The following MAGI2 variants were observed in gnomAD, a reference collection of about 807,000 sequenced individuals.
MAGI2 encodes membrane associated guanylate kinase, WW and PDZ domain containing 2, also known as membrane-associated guanylate kinase, WW and PDZ domain-containing protein 2.
A neutral mutation model predicts 133.3 loss-of-function variants in MAGI2; 35 were observed. That is an observed-to-expected ratio of 0.26 (90% CI 0.20 to 0.35). MAGI2 has a LOEUF of 0.35. MAGI2 is among the 10% of genes least tolerant of loss of function. The pLI is 1.00. For missense variants in MAGI2, 1,636 were observed against 1,863.4 expected (o/e 0.88, Z 2.25); for synonymous variants, 729 against 710.6 (o/e 1.03, Z -0.41).
At position 79,138,862 on chromosome 7, in the gene MAGI2, C is replaced by T. The variant is rs976435202; in HGVS notation, c.302-131656G>A. Among the ~76,000 whole-genome samples, 8 of 151,186 alleles carry T rather than the reference C, an allele frequency of 5.3e-5. No homozygotes were observed. In the South Asian group the frequency reaches 6.3e-4, roughly 12 times the overall value. On this transcript the variant is annotated intron_variant, in intron 1 of 21. Transcript: ENST00000354212. Reference sequence around the variant, plus strand: ...CTACTAAAAATACAAAAAAATTAGCCGGGTGTGGTGGTTGGCCCCTGTAGA... The same window carrying T: ...CTACTAAAAATACAAAAAAATTAGCTGGGTGTGGTGGTTGGCCCCTGTAGA...
chr7:79,146,806 T>G (rs949227513), intron 1 of MAGI2, among the ~76,000 whole-genome samples: 1 of 152,232 alleles, frequency 6.6e-6, no homozygotes, highest in Admixed American at 6.5e-5. Flanking sequence ...TTATTGGCAG[T>G]GTGAGAACAG....
intron 2 of MAGI2, among the ~76,000 whole-genome samples, chr7:78,683,413 A>G (rs1228048145): frequency 6.6e-6 from 1 of 152,204 alleles, no homozygotes; most frequent in African/African-American, 2.4e-5. Context: ...AGGGCAGAGT[A>G]TGAACAAATA....
At chr7:78,487,425 A>G (rs1411870314) in intron 6 of MAGI2, 1 of 155,120 alleles carries the variant, frequency 6.4e-6, no homozygotes, top group Non-Finnish European at 1.4e-5. Context: ...GAAAGTATAC[A>G]ACACTCAAAT....
At chr7:78,566,304 G>A (rs890009796) in intron 3 of MAGI2, among the ~76,000 whole-genome samples, 2 of 152,072 alleles carry the variant, frequency 1.3e-5, no homozygotes, top group African/African-American at 4.8e-5. Flanking sequence ...GATCCTGAAC[G>A]GTGGAAGGAT....
chr7:79,221,817 C>T (rs1055693956), intron 1 of MAGI2, among the ~76,000 whole-genome samples: 4 of 151,754 alleles, frequency 2.6e-5, no homozygotes, highest in Non-Finnish European at 5.9e-5. Flanking sequence ...CATAAAATGG[C>T]AAAGGTCTGG....
At chr7:78,580,929 A>G (rs1802770092) in intron 3 of MAGI2, among the ~76,000 whole-genome samples, 1 of 152,168 alleles carries the variant, frequency 6.6e-6, no homozygotes, top group Non-Finnish European at 1.5e-5. Context: ...TGACATCACA[A>G]ATGCAGATGA....
At chr7:78,328,251 T>TA (rs1562830860) in intron 9 of MAGI2, among the ~76,000 whole-genome samples, 1 of 151,826 alleles carries the variant, frequency 6.6e-6, no homozygotes, top group Non-Finnish European at 1.5e-5. Context: ...CTCAAGGACT[T>TA]ACGCCTTGAT....
intron 1 of MAGI2, among the ~76,000 whole-genome samples, chr7:79,032,418 T>A (rs1810681782): frequency 6.6e-6 from 1 of 150,788 alleles, no homozygotes; most frequent in Admixed American, 6.7e-5. Flanking sequence ...CTTGGGAGGC[T>A]GAGGCAGGAA....
intron 2 of MAGI2, among the ~76,000 whole-genome samples, chr7:78,795,384 G>T (rs570318689): frequency 6.6e-6 from 1 of 151,708 alleles, no homozygotes; most frequent in Non-Finnish European, 1.5e-5. Flanking sequence ...ATCAACATAC[G>T]AGAACCAGTG....
chr7:78,672,438 G>A (rs1814507171), intron 2 of MAGI2, among the ~76,000 whole-genome samples: 1 of 152,110 alleles, frequency 6.6e-6, no homozygotes, highest in Admixed American at 6.6e-5. Context: ...TTATAAATTA[G>A]CCAGTTTCAG....
At chr7:78,498,428 T>G (rs769322701) in intron 5 of MAGI2, among the ~76,000 whole-genome samples, 1 of 152,170 alleles carries the variant, frequency 6.6e-6, no homozygotes, top group Non-Finnish European at 1.5e-5. Flanking sequence ...TTCTTTGTCA[T>G]AGAAGCAAAG....
chr7:79,290,250 C>G (rs1836358368), intron 1 of MAGI2, among the ~76,000 whole-genome samples: 1 of 151,906 alleles, frequency 6.6e-6, no homozygotes, highest in Non-Finnish European at 1.5e-5. Context: ...TCTCGTACCA[C>G]CTCAAAAGTA....
intron 16 of MAGI2, among the ~76,000 whole-genome samples, chr7:78,157,647 C>G (rs906582184): frequency 6.6e-6 from 1 of 152,130 alleles, no homozygotes; most frequent in African/African-American, 2.4e-5. Context: ...TATTTTTATT[C>G]TAGTCCTTTA....
In MAGI2 at chr7:78,018,201, TAA is replaced by T. The variant is rs1162336705; in HGVS notation, c.*1112_*1113del. The T allele has an allele frequency of 6.6e-6, 1 of 152,544 alleles. No individual in the cohort carries two copies. Among genetic ancestry groups the T allele is most frequent in the African/African-American group, 2.4e-5 (1 of 41,446 alleles). The allele number at this position is 152,544 out of a possible 1,614,324, so 9.4% of individuals were successfully genotyped here. A position where few individuals can be genotyped will look rare whatever the true frequency, so the allele number is the denominator to read the frequency against. ...AGGACAAAGGGTAAGGAAAGAAGGA[TAA>T]GCAGAAAGGAATGCTAAAAAGACTC... is the stretch of plus-strand genomic sequence containing the variant. On this transcript the variant is annotated 3_prime_UTR_variant, in exon 22 of 22. Coordinates refer to ENST00000354212, the MANE Select transcript of MAGI2 (RefSeq NM_012301.4).
At chr7:79,391,504 TAG>T (rs1374098119) in intron 1 of MAGI2, among the ~76,000 whole-genome samples, 1 of 44,052 alleles carries the variant, frequency 2.3e-5, no homozygotes, top group Non-Finnish European at 3.5e-5. Context: ...TATATATATA[TAG>T]ACATATATAT....
At chr7:78,687,375 T>C (rs1308804080) in intron 2 of MAGI2, among the ~76,000 whole-genome samples, 1 of 152,184 alleles carries the variant, frequency 6.6e-6, no homozygotes, top group Non-Finnish European at 1.5e-5. Flanking sequence ...TATTTTAAAA[T>C]ACATGTGTGA....
chr7:78,675,740 C>T (rs1328203139), intron 2 of MAGI2, among the ~76,000 whole-genome samples: 3 of 152,122 alleles, frequency 2.0e-5, no homozygotes, highest in Non-Finnish European at 2.9e-5. Flanking sequence ...CGCCATGAAT[C>T]ATGACCTCAG....
At chr7:79,003,115 C>G (rs1584639178) in intron 2 of MAGI2, among the ~76,000 whole-genome samples, 2 of 152,046 alleles carry the variant, frequency 1.3e-5, no homozygotes, top group South Asian at 4.2e-4. Context: ...CAGCAGGAAA[C>G]AGGCTTCCTA....
intron 10 of MAGI2, among the ~76,000 whole-genome samples, chr7:78,205,190 G>C (rs1829619004): frequency 6.6e-6 from 1 of 152,168 alleles, no homozygotes; most frequent in African/African-American, 2.4e-5. Flanking sequence ...GAAGTGCAGT[G>C]GCGTGATCTT....
Sources: gnomAD v4.1 joint callset for allele counts (sites outside exome capture counted in the v4.1 genomes callset) on GRCh38, gnomAD v4.1.1 for gene constraint, MANE v1.5 for transcripts, NCBI Gene and HGNC (gene_info 2026-07-23, HGNC 2026-07-21) for gene names.